Variants in KCNN2 observed in about 807,000 individuals in gnomAD.
KCNN2 encodes the protein potassium calcium-activated channel subfamily N member 2.
KCNN2 carries 24 observed loss-of-function variants against 55.5 expected under a neutral mutation model. The observed-to-expected ratio is 0.43, with a 90% confidence interval of 0.31 to 0.61. The LOEUF (loss-of-function observed/expected upper bound fraction) is 0.61. Ranked by LOEUF, KCNN2 falls within the 20% of genes least tolerant of loss-of-function variation. The probability of loss-of-function intolerance (pLI) is 0.08; values close to 1 mark genes in which losing one functional copy is unlikely to be tolerated. For missense variants in KCNN2, 754 were observed against 853.6 expected, an observed-to-expected ratio of 0.88 and a Z score of 1.45; for synonymous variants, 431 against 336.1, an observed-to-expected ratio of 1.28 and a Z score of -3.09.
chr5:114,188,321 C>G (rs1038438311), intron 1 of KCNN2, among the ~76,000 whole-genome samples: 1 of 152,014 alleles, frequency 6.6e-6, no homozygotes, highest in Admixed American at 6.6e-5. Context: ...CACTAGACAC[C>G]TAGAGAGATG....
intron 2 of KCNN2, among the ~76,000 whole-genome samples, chr5:114,251,025 A>G (rs1345812626): frequency 6.6e-6 from 1 of 152,218 alleles, no homozygotes; most frequent in Admixed American, 6.5e-5. Flanking sequence ...CCATGAAGAT[A>G]TGGATTTCTA....
intron 2 of KCNN2, among the ~76,000 whole-genome samples, chr5:114,385,503 G>A (rs1483850400): frequency 7.2e-6 from 1 of 138,172 alleles, no homozygotes; most frequent in African/African-American, 2.8e-5. Context: ...TTTATTGACA[G>A]CATACACACA....
chr5:114,453,138 G>C (rs555685606), intron 3 of KCNN2, among the ~76,000 whole-genome samples: 1 of 152,250 alleles, frequency 6.6e-6, no homozygotes, highest in African/African-American at 2.4e-5. Context: ...TTTGAAAAAA[G>C]TCGTAGGTGT....
intron 2 of KCNN2, among the ~76,000 whole-genome samples, chr5:114,292,699 T>C (rs951895620): frequency 6.6e-6 from 1 of 152,110 alleles, no homozygotes; most frequent in African/African-American, 2.4e-5. Flanking sequence ...CCATATGAAG[T>C]TTAAAGTAGT....
At chr5:114,478,900 A>T (rs1373461133) in intron 5 of KCNN2, among the ~76,000 whole-genome samples, 2 of 152,176 alleles carry the variant, frequency 1.3e-5, no homozygotes, top group Non-Finnish European at 2.9e-5. Flanking sequence ...TGAAGGAAGC[A>T]CTAAATATGG....
intron 1 of KCNN2, among the ~76,000 whole-genome samples, chr5:114,168,159 A>G (rs542635316): frequency 1.1e-4 from 11 of 96,312 alleles, no homozygotes; most frequent in African/African-American, 3.6e-4. Flanking sequence ...ATAATCATAT[A>G]TATGTGGATA....
intron 1 of KCNN2, among the ~76,000 whole-genome samples, chr5:114,131,480 T>C (rs1752071104): frequency 6.6e-6 from 1 of 152,226 alleles, no homozygotes; most frequent in African/African-American, 2.4e-5. Context: ...TATGGCTGCA[T>C]AGTATTCCAT....
chr5:114,430,097 T>G (rs1759746498), intron 3 of KCNN2, among the ~76,000 whole-genome samples: 1 of 152,070 alleles, frequency 6.6e-6, no homozygotes, highest in Non-Finnish European at 1.5e-5. Context: ...CAAAATTATG[T>G]TGGTTATTCT....
At chr5:114,115,714 G>C (rs1172632850) in intron 1 of KCNN2, among the ~76,000 whole-genome samples, 2 of 152,030 alleles carry the variant, frequency 1.3e-5, no homozygotes, top group South Asian at 4.1e-4. Context: ...GATTGAAAGG[G>C]AAGAAGGAAG....
intron 2 of KCNN2, among the ~76,000 whole-genome samples, chr5:114,319,818 C>T (rs1052598740): frequency 1.6e-4 from 24 of 152,070 alleles, no homozygotes; most frequent in Admixed American, 1.5e-3. Flanking sequence ...ATGCTTTGTC[C>T]CATCACATGC....
At chr5:114,410,618 T>C (rs1487276928) in intron 3 of KCNN2, among the ~76,000 whole-genome samples, 1 of 152,176 alleles carries the variant, frequency 6.6e-6, no homozygotes, top group Non-Finnish European at 1.5e-5. Context: ...AATGAAATCT[T>C]TTCCTTTTTG....
chr5:114,140,824 C>T (rs868763606), intron 1 of KCNN2, among the ~76,000 whole-genome samples: 5 of 149,812 alleles, frequency 3.3e-5, no homozygotes, highest in East Asian at 2.0e-4. Flanking sequence ...AGTCTCACTC[C>T]GTCGCCTAGG....
intron 2 of KCNN2, among the ~76,000 whole-genome samples, chr5:114,306,390 A>G (rs978029620): frequency 9.2e-5 from 14 of 152,204 alleles, no homozygotes; most frequent in African/African-American, 3.4e-4. Context: ...ATTGAATTAA[A>G]GTCCCTGGTA....
In KCNN2 at chr5:114,362,290, C is replaced by G. The variant is rs924516173; in HGVS notation, c.151C>G (p.Pro51Ala). The part of the protein sequence containing the change: ...FAPLPHPHHH[P>A]HLAHQQPASG... ...GCCCCTCCCGCACCCTCACCACCAC[C>G]CGCACCTCGCGCACCAGCAGCCGGC... Residue 51 changes from proline (P) to alanine (A), a missense_variant, in exon 1 of 8, where the codon CCG becomes GCG. Pro to Ala is a conservative substitution (Grantham distance 27). Transcript: ENST00000673685. 1.1e-5 allele frequency: 2 copies of G among 187,012 alleles called. No individual in the cohort carries two copies. The allele number at this position is 187,012 out of a possible 1,614,324, so 11.6% of individuals were successfully genotyped here.
chr5:114,226,253 G>T (rs996599194), intron 2 of KCNN2, among the ~76,000 whole-genome samples: 3 of 151,782 alleles, frequency 2.0e-5, no homozygotes, highest in Non-Finnish European at 2.9e-5. Flanking sequence ...TTTCAATATT[G>T]AATCACATTA....
intron 1 of KCNN2, among the ~76,000 whole-genome samples, chr5:114,082,818 A>G (rs1750854056): frequency 6.6e-6 from 1 of 152,186 alleles, no homozygotes; most frequent in African/African-American, 2.4e-5. Flanking sequence ...ACAAAGTTGA[A>G]TCCTATATGA....
At chr5:114,480,912 A>C (rs1762197082) in intron 5 of KCNN2, among the ~76,000 whole-genome samples, 1 of 152,188 alleles carries the variant, frequency 6.6e-6, no homozygotes, top group African/African-American at 2.4e-5. Flanking sequence ...CCAGTATCAT[A>C]ATGGGCAAAA....
chr5:114,272,948 T>C (rs1755388147), intron 2 of KCNN2, among the ~76,000 whole-genome samples: 1 of 152,170 alleles, frequency 6.6e-6, no homozygotes, highest in African/African-American at 2.4e-5. Context: ...TACATAGGTA[T>C]ACACGTGCCA....
intron 1 of KCNN2, among the ~76,000 whole-genome samples, chr5:114,131,392 T>A (rs537705393): frequency 6.6e-6 from 1 of 152,342 alleles, no homozygotes; most frequent in East Asian, 1.9e-4. Flanking sequence ...TTTGGTTTTC[T>A]GTTCCTGTTA....
Sources: allele counts gnomAD v4.1 joint callset (sites outside exome capture counted in the v4.1 genomes callset), GRCh38; gene constraint gnomAD v4.1.1; transcripts MANE v1.5; gene names NCBI Gene and HGNC (gene_info 2026-07-23, HGNC 2026-07-21).